TEAD1: variants seen among roughly 807,000 people sequenced by gnomAD.
TEAD1 encodes the protein transcriptional enhancer factor TEF-1.
A neutral mutation model predicts 54.9 loss-of-function variants in TEAD1; 9 were observed. The observed-to-expected ratio is 0.16, with a 90% CI of 0.10 to 0.29. The LOEUF (loss-of-function observed/expected upper bound fraction) is 0.29. Ranked by LOEUF, TEAD1 falls within the 10% of genes least tolerant of loss-of-function variation. The probability of loss-of-function intolerance (pLI) is 1.00; values close to 1 mark genes in which losing one functional copy is unlikely to be tolerated. For missense variants in TEAD1, 387 were observed against 535.9 expected (o/e 0.72, Z 2.74); for synonymous variants, 200 against 187.8 (o/e 1.07, Z -0.53).
At chr11:12,903,259 T>C (rs1318196238) in intron 10 of TEAD1, among the ~76,000 whole-genome samples, 1 of 152,208 alleles carries the variant, frequency 6.6e-6, no homozygotes, top group Non-Finnish European at 1.5e-5. Flanking sequence ...GTGACTTTAA[T>C]GCCTCTGCTC....
chr11:12,736,335 ACT>A (rs1160833679), intron 2 of TEAD1, among the ~76,000 whole-genome samples: 2 of 152,184 alleles, frequency 1.3e-5, no homozygotes, highest in Non-Finnish European at 2.9e-5. Context: ...CCTAGAACAA[ACT>A]TCAGGAAAGA....
At chr11:12,815,758 C>T (rs1946402360) in intron 3 of TEAD1, among the ~76,000 whole-genome samples, 1 of 152,154 alleles carries the variant, frequency 6.6e-6, no homozygotes, top group East Asian at 1.9e-4. Context: ...CAGATGGGGC[C>T]AAAGGACAAA....
chr11:12,745,587 GTTTTT>G (rs77963483), intron 2 of TEAD1, among the ~76,000 whole-genome samples: 3 of 130,532 alleles, frequency 2.3e-5, no homozygotes, highest in African/African-American at 8.5e-5. Context: ...ATTTTAAGGG[GTTTTT>G]TTTTTTTTTT....
At chr11:12,807,560 A>C (rs931460366) in intron 3 of TEAD1, among the ~76,000 whole-genome samples, 1 of 152,208 alleles carries the variant, frequency 6.6e-6, no homozygotes, top group Admixed American at 6.5e-5. Flanking sequence ...GGTAGGTATG[A>C]GGATTGAAAA....
chr11:12,783,441 G>C (rs1945607292), intron 3 of TEAD1, among the ~76,000 whole-genome samples: 1 of 152,070 alleles, frequency 6.6e-6, no homozygotes, highest in South Asian at 2.1e-4. Flanking sequence ...GAAGACACGT[G>C]CCAATAGGGA....
At chr11:12,831,404 C>A (rs1176607081) in intron 3 of TEAD1, among the ~76,000 whole-genome samples, 1 of 152,106 alleles carries the variant, frequency 6.6e-6, no homozygotes, top group Non-Finnish European at 1.5e-5. Flanking sequence ...AGTACATATT[C>A]CCCCCAAACT....
intron 3 of TEAD1, among the ~76,000 whole-genome samples, chr11:12,802,745 G>C (rs946879267): frequency 6.6e-6 from 1 of 152,172 alleles, no homozygotes; most frequent in African/African-American, 2.4e-5. Flanking sequence ...GCGATGTGCC[G>C]ATTGCGCAAG....
rs1948457949 is a variant in TEAD1 at position 12,903,454 on chromosome 11, AGTTT to A, written c.873+1346_873+1349del. Among the ~76,000 whole-genome samples, 4 of 152,366 alleles carry A rather than the reference AGTTT, an allele frequency of 2.6e-5. No individual in the cohort carries two copies. In the South Asian group the frequency reaches 8.3e-4, roughly 32 times the overall value. ...TGGAAGGAAATTTGCATATTAAATT[AGTTT>A]GTTTCGTTTCTTTTAGCCTTCCATG... On this transcript the variant is annotated intron_variant, in intron 10 of 12. Transcript: ENST00000527636.
intron 2 of TEAD1, among the ~76,000 whole-genome samples, chr11:12,701,894 A>G (rs1943710959): frequency 6.6e-6 from 1 of 152,228 alleles, no homozygotes; most frequent in Non-Finnish European, 1.5e-5. Context: ...GACTTTCTAT[A>G]AGAAATTCTA....
Position 12,725,284 on chromosome 11 carries a change from T to C in TEAD1, c.-54-38895T>C, listed in dbSNP as rs1406902219. ...GTAGTGGGGACAAAACCTTGGACTT[T>C]AGAGTCTAAAACCTGACCTTACAAT... On this transcript the variant is annotated intron_variant, in intron 2 of 12. Transcript: ENST00000527636. Among the ~76,000 whole-genome samples, 9 of 152,232 alleles carry C rather than the reference T, an allele frequency of 5.9e-5. No homozygotes were observed. The East Asian group carries it at 1.5e-3, about 26-fold the overall frequency.
At chr11:12,845,031 T>G (rs1947114067) in intron 3 of TEAD1, among the ~76,000 whole-genome samples, 1 of 131,438 alleles carries the variant, frequency 7.6e-6, no homozygotes. Flanking sequence ...AGTGGCGCAA[T>G]CTTGGCTCAC....
intron 10 of TEAD1, among the ~76,000 whole-genome samples, chr11:12,919,149 CAT>C (rs763919967): frequency 2.6e-5 from 4 of 152,180 alleles, no homozygotes; most frequent in African/African-American, 4.8e-5. Flanking sequence ...AGCTTTAAAA[CAT>C]GTAATTTGTT....
At chr11:12,782,071 G>T (rs142010854) in intron 3 of TEAD1, among the ~76,000 whole-genome samples, 1,792 of 151,916 alleles carry the variant, frequency 0.012, 40 homozygotes, top group African/African-American at 0.04. Flanking sequence ...GATCACCTGA[G>T]CCTGGGAGGT....
At chr11:12,896,930 G>C (rs1948324184) in intron 9 of TEAD1, among the ~76,000 whole-genome samples, 1 of 152,190 alleles carries the variant, frequency 6.6e-6, no homozygotes, top group African/African-American at 2.4e-5. Flanking sequence ...AACAGGCAGA[G>C]TGAGTACCTT....
chr11:12,822,463 T>G (rs1488491278), intron 3 of TEAD1: 1 of 152,244 alleles, frequency 6.6e-6, no homozygotes, highest in Non-Finnish European at 1.5e-5. Flanking sequence ...CTGTCACTTC[T>G]GCCAGGGCGA....
chr11:12,934,653 T>C (rs1455821694), intron 12 of TEAD1, among the ~76,000 whole-genome samples: 2 of 152,122 alleles, frequency 1.3e-5, no homozygotes, highest in Non-Finnish European at 2.9e-5. Context: ...TTTAAGACTT[T>C]ATGGCCTTGG....
At chr11:12,684,569 C>T (rs1040643551) in intron 2 of TEAD1, among the ~76,000 whole-genome samples, 2 of 152,188 alleles carry the variant, frequency 1.3e-5, no homozygotes, top group Admixed American at 1.3e-4. Flanking sequence ...CTCATTGCAC[C>T]TCTTAATACC....
intron 9 of TEAD1, among the ~76,000 whole-genome samples, chr11:12,896,914 CTG>C (rs1254736684): frequency 1.3e-5 from 2 of 152,184 alleles, no homozygotes; most frequent in African/African-American, 4.8e-5. Flanking sequence ...CTATTAAAAT[CTG>C]TAAAACAGGC....
At chr11:12,893,978 G>A (rs1012065874) in intron 9 of TEAD1, among the ~76,000 whole-genome samples, 4 of 152,142 alleles carry the variant, frequency 2.6e-5, no homozygotes, top group Admixed American at 2.0e-4. Flanking sequence ...TGTCCCCCCA[G>A]GGGCCACCGC....
Sources: gnomAD v4.1 joint callset for allele counts (sites outside exome capture counted in the v4.1 genomes callset) on GRCh38, gnomAD v4.1.1 for gene constraint, MANE v1.5 for transcripts, NCBI Gene and HGNC (gene_info 2026-07-23, HGNC 2026-07-21) for gene names.